The following MSTO1 variants were observed in gnomAD, a reference collection of about 807,000 sequenced individuals.
MSTO1 encodes the protein misato mitochondrial distribution and morphology regulator 1, also known as protein misato homolog 1.
Under a neutral mutation model 55.7 loss-of-function variants are expected in MSTO1, and 24 were observed. That is an observed-to-expected ratio of 0.43 (90% CI 0.31 to 0.61). The LOEUF (loss-of-function observed/expected upper bound fraction) is 0.61. Ranked by LOEUF, MSTO1 falls within the 20% of genes least tolerant of loss-of-function variation. The pLI is 0.09. For synonymous variants in MSTO1, 162 were observed against 252.8 expected, an observed-to-expected ratio of 0.64 and a Z score of 3.41; for missense variants, 363 against 625.7, an observed-to-expected ratio of 0.58 and a Z score of 4.48.
the MSTO1 span, among the ~76,000 whole-genome samples, chr1:155,587,439 C>CAAAAAA: frequency 3.8e-5 from 2 of 52,676 alleles, no homozygotes; most frequent in Admixed American, 2.3e-4. Context: ...GACTACGTCT[C>CAAAAAA]AAAAAAAAAA....
the MSTO1 span, among the ~76,000 whole-genome samples, chr1:155,589,808 T>TG: frequency 4.6e-5 from 7 of 151,804 alleles, no homozygotes; most frequent in Admixed American, 6.6e-5. Context: ...GGTGATTAGA[T>TG]GGTGTCCACC....
At chr1:155,587,403 G>C in the MSTO1 span, among the ~76,000 whole-genome samples, 1 of 126,176 alleles carries the variant, frequency 7.9e-6, no homozygotes, top group Admixed American at 9.8e-5. Flanking sequence ...TTGTGCTGCT[G>C]CACTGAAGCC....
chr1:155,604,754 A>T, the MSTO1 span, among the ~76,000 whole-genome samples: 4 of 152,184 alleles, frequency 2.6e-5, no homozygotes, highest in Non-Finnish European at 4.4e-5. Flanking sequence ...GCACGCCTGT[A>T]GTCCCAGCTA....
the MSTO1 span, among the ~76,000 whole-genome samples, chr1:155,590,024 G>T: frequency 6.8e-6 from 1 of 146,710 alleles, no homozygotes; most frequent in African/African-American, 2.5e-5. Context: ...GGGCGGGCAG[G>T]ACAGAAGGGT....
upstream of MSTO1, chr1:155,609,926 G>A (rs1217461418): frequency 2.0e-5 from 8 of 390,924 alleles, no homozygotes; most frequent in East Asian, 3.7e-4. Context: ...AGACAAGTAG[G>A]AAGCAGAGCC....
chr1:155,572,651 T>A, the MSTO1 span, among the ~76,000 whole-genome samples: 4 of 151,762 alleles, frequency 2.6e-5, no homozygotes, highest in African/African-American at 9.7e-5. Flanking sequence ...GATGGAGAAT[T>A]TTTTTTTCTT....
chr1:155,563,474 C>T, the MSTO1 span: 1 of 456,644 alleles, frequency 2.2e-6, no homozygotes, highest in African/African-American at 2.0e-5. Flanking sequence ...AACCTGGGAC[C>T]CGAGGAAGAT....
chr1:155,595,702 C>T, the MSTO1 span, among the ~76,000 whole-genome samples: 2 of 152,102 alleles, frequency 1.3e-5, no homozygotes, highest in East Asian at 3.9e-4. Flanking sequence ...ACCATGTTGG[C>T]CAGGATGGTC....
chr1:155,612,349 C>T (rs1674344306), intron 8 of MSTO1, 33 bp downstream of exon 8: 2 of 1,578,620 alleles, frequency 1.3e-6, no homozygotes. Context: ...AACAGTCACA[C>T]AGTGGGGAGG....
At chr1:155,575,796 T>TTTTTTTTATTTA in the MSTO1 span, among the ~76,000 whole-genome samples, 3 of 144,660 alleles carry the variant, frequency 2.1e-5, no homozygotes, top group African/African-American at 7.8e-5. Context: ...CTTATTTTAT[T>TTTTTTTTATTTA]TTTATTTATT....
chr1:155,587,233 G>A, the MSTO1 span, among the ~76,000 whole-genome samples: 1 of 151,068 alleles, frequency 6.6e-6, no homozygotes, highest in Non-Finnish European at 1.5e-5. Flanking sequence ...CCTGAGGTAG[G>A]AGTTCGAGAC....
upstream of MSTO1, among the ~76,000 whole-genome samples, chr1:155,606,198 C>CTTTTTTTTTTTTTTTTTTTTTTTTTTT: frequency 3.6e-5 from 1 of 28,090 alleles, no homozygotes; most frequent in Non-Finnish European, 7.1e-5. Context: ...CATGCCCAGC[C>CTTTTTTTTTTTTTTTTTTTTTTTTTTT]TTTTTTTTTT....
chr1:155,599,632 G>A, the MSTO1 span, among the ~76,000 whole-genome samples: 4 of 152,158 alleles, frequency 2.6e-5, no homozygotes, highest in Non-Finnish European at 5.9e-5. Context: ...AAAGTATGGA[G>A]AAAGAAATAA....
At chr1:155,569,817 T>C in the MSTO1 span, among the ~76,000 whole-genome samples, 3 of 152,122 alleles carry the variant, frequency 2.0e-5, no homozygotes, top group South Asian at 6.2e-4. Flanking sequence ...GGATTTGAGA[T>C]TTTGTTGGAT....
At chr1:155,609,983 C>A, upstream of MSTO1, 1 of 490,550 alleles carries the variant, frequency 2.0e-6, no homozygotes, top group Non-Finnish European at 3.6e-6. Context: ...GCGGAGACGG[C>A]GCCCACCCCG....
At chr1:155,600,982 T>TC in the MSTO1 span, among the ~76,000 whole-genome samples, 1 of 148,498 alleles carries the variant, frequency 6.7e-6, no homozygotes, top group East Asian at 2.0e-4. Flanking sequence ...GGCCTTTTTT[T>TC]TTTTTTTTTT....
Position 155,614,666 on chromosome 1 carries a change from C to T in MSTO1, c.*393C>T, listed in dbSNP as rs1233852935. On this transcript the variant is annotated 3_prime_UTR_variant, in exon 14 of 14. Transcript: ENST00000245564. ...ACAAGCAGAGTACAACTACCCGCCT[C>T]CCCGGTGCCAGGGCGCCTGTTGGGT... 1.3e-6 allele frequency: 2 copies of T among 1,521,720 alleles called. No homozygotes were observed. Among genetic ancestry groups the T allele is most frequent in the Admixed American group, 1.7e-5 (1 of 59,664 alleles). 94.3% of individuals were successfully genotyped at this position (1,521,720 alleles called of 1,614,324 possible).
chr1:155,609,243 A>ATATATATATATATATT (rs59756178), upstream of MSTO1, among the ~76,000 whole-genome samples: 6 of 54,578 alleles, frequency 1.1e-4, no homozygotes, highest in African/African-American at 1.5e-4. Context: ...ATATATATAT[A>ATATATATATATATATT]TTTTTTTTTT....
the MSTO1 span, among the ~76,000 whole-genome samples, chr1:155,602,942 A>G: frequency 6.6e-6 from 1 of 152,048 alleles, no homozygotes; most frequent in Non-Finnish European, 1.5e-5. Context: ...GGGGCCTTCA[A>G]CTCTGGATAT....
Sources: allele counts gnomAD v4.1 joint callset (sites outside exome capture counted in the v4.1 genomes callset), GRCh38; gene constraint gnomAD v4.1.1; transcripts MANE v1.5; gene names NCBI Gene and HGNC (gene_info 2026-07-23, HGNC 2026-07-21).